C10orf90: variants seen among roughly 807,000 people sequenced by gnomAD.
C10orf90 encodes chromosome 10 open reading frame 90.
Under a neutral mutation model 62.5 loss-of-function variants are expected in C10orf90, and 56 were observed. That is an observed-to-expected ratio of 0.90 (90% confidence interval 0.72 to 1.12). The LOEUF (loss-of-function observed/expected upper bound fraction) is 1.12, where lower values mean the gene tolerates loss of function less well. Ranked by LOEUF, C10orf90 falls within the 50% of genes most tolerant of loss-of-function variation. The pLI, the probability that C10orf90 is intolerant of heterozygous loss-of-function variation, is 0.00. For missense variants in C10orf90, 970 were observed against 880.4 expected (o/e 1.10, Z -1.29); for synonymous variants, 386 against 340.4 (o/e 1.13, Z -1.47).
intron 7 of C10orf90, among the ~76,000 whole-genome samples, chr10:126,455,008 C>T (rs1027537446): frequency 6.6e-6 from 1 of 152,044 alleles, no homozygotes; most frequent in African/African-American, 2.4e-5. Context: ...GTCAGCCTCC[C>T]TCTTCCACAT....
intron 8 of C10orf90, 36 bp downstream of exon 8, chr10:126,429,751 A>G: frequency 6.3e-7 from 1 of 1,599,336 alleles, no homozygotes; most frequent in Non-Finnish European, 8.6e-7. Flanking sequence ...TACTCCCCCC[A>G]CCAACTTCTT....
At chr10:126,567,396 G>A (rs972210099) in intron 2 of C10orf90, among the ~76,000 whole-genome samples, 2 of 152,102 alleles carry the variant, frequency 1.3e-5, no homozygotes, top group African/African-American at 4.8e-5. Flanking sequence ...CAGCAAAGGG[G>A]AAATCCACCC....
At chr10:126,622,677 C>G (rs1219704115) in intron 2 of C10orf90, among the ~76,000 whole-genome samples, 1 of 152,196 alleles carries the variant, frequency 6.6e-6, no homozygotes, top group Non-Finnish European at 1.5e-5. Flanking sequence ...CTCACCCACT[C>G]TGCCCACTAC....
chr10:126,483,622 A>G (rs1332801356), intron 4 of C10orf90, among the ~76,000 whole-genome samples: 1 of 152,222 alleles, frequency 6.6e-6, no homozygotes, highest in Non-Finnish European at 1.5e-5. Flanking sequence ...GTATTCTTAT[A>G]AGGTAATCCT....
chr10:126,476,387 A>G (rs1368610030), intron 4 of C10orf90, among the ~76,000 whole-genome samples: 1 of 152,170 alleles, frequency 6.6e-6, no homozygotes, highest in Non-Finnish European at 1.5e-5. Context: ...TCAGAATTGG[A>G]GACAGTCCCT....
At chr10:126,514,953 G>A (rs4962565) in intron 2 of C10orf90, among the ~76,000 whole-genome samples, 121,584 of 152,206 alleles carry the variant, frequency 0.8, 49,207 homozygotes, top group Middle Eastern at 0.92. Context: ...ATACTCTAGG[G>A]AAGGTGATTT....
chr10:126,496,967 A>C (rs1030113912), intron 4 of C10orf90, among the ~76,000 whole-genome samples: 2 of 152,250 alleles, frequency 1.3e-5, no homozygotes, highest in African/African-American at 4.8e-5. Flanking sequence ...ACCTCTACAA[A>C]ATAGCAAATG....
intron 2 of C10orf90, among the ~76,000 whole-genome samples, chr10:126,591,528 G>T (rs1844979112): frequency 6.6e-6 from 1 of 152,070 alleles, no homozygotes; most frequent in Admixed American, 6.6e-5. Flanking sequence ...AGCAGACTAG[G>T]TATTGAAGGA....
intron 4 of C10orf90, among the ~76,000 whole-genome samples, chr10:126,486,447 T>G (rs551497737): frequency 6.6e-6 from 1 of 152,006 alleles, no homozygotes; most frequent in Non-Finnish European, 1.5e-5. Flanking sequence ...AAGAAACAAC[T>G]TAAGCAAAAG....
intron 2 of C10orf90, among the ~76,000 whole-genome samples, chr10:126,580,387 G>A (rs1158226791): frequency 6.6e-6 from 1 of 152,170 alleles, no homozygotes; most frequent in Non-Finnish European, 1.5e-5. Context: ...CAGGCGTGGT[G>A]GCTCATTCCT....
At chr10:126,602,520 T>TGGTG (rs1845217551) in intron 2 of C10orf90, among the ~76,000 whole-genome samples, 1 of 152,134 alleles carries the variant, frequency 6.6e-6, no homozygotes, top group African/African-American at 2.4e-5. Flanking sequence ...GAATATTCCC[T>TGGTG]GGTGGGCACA....
At chr10:126,585,744 G>C (rs2134021905) in intron 2 of C10orf90, among the ~76,000 whole-genome samples, 1 of 152,160 alleles carries the variant, frequency 6.6e-6, no homozygotes, top group East Asian at 1.9e-4. Context: ...GGCTAATTAG[G>C]GCCAGATAAC....
chr10:126,463,766 C>A (rs1341792652), intron 5 of C10orf90, among the ~76,000 whole-genome samples: 1 of 152,230 alleles, frequency 6.6e-6, no homozygotes, highest in Non-Finnish European at 1.5e-5. Context: ...CAGGGGCCGT[C>A]CTCGGCTTCC....
chr10:126,455,503 G>A (rs1859491348), intron 7 of C10orf90, among the ~76,000 whole-genome samples: 2 of 152,220 alleles, frequency 1.3e-5, no homozygotes, highest in Admixed American at 1.3e-4. Flanking sequence ...GCAGACTAGG[G>A]ACTGTGCCTA....
At chr10:126,553,258 G>A (rs966088984) in intron 2 of C10orf90, among the ~76,000 whole-genome samples, 1 of 152,202 alleles carries the variant, frequency 6.6e-6, no homozygotes, top group South Asian at 2.1e-4. Flanking sequence ...TTTACAATAC[G>A]TATATCTTAT....
intron 1 of C10orf90, among the ~76,000 whole-genome samples, chr10:126,657,926 T>G (rs1397604382): frequency 1.3e-5 from 2 of 152,148 alleles, no homozygotes; most frequent in Admixed American, 6.5e-5. Context: ...ACCAATACTT[T>G]GTCTTTGAAC....
chr10:126,535,570 C>A (rs182246832), intron 2 of C10orf90, among the ~76,000 whole-genome samples: 48 of 151,924 alleles, frequency 3.2e-4, no homozygotes, highest in Middle Eastern at 6.8e-3. Context: ...GTGCAGCACA[C>A]CAACATGGCA....
At chr10:126,624,536 C>T (rs890625026) in intron 2 of C10orf90, among the ~76,000 whole-genome samples, 3 of 152,164 alleles carry the variant, frequency 2.0e-5, no homozygotes, top group Non-Finnish European at 2.9e-5. Flanking sequence ...GGCTAAGAAC[C>T]AGACTTGGAA....
intron 1 of C10orf90, among the ~76,000 whole-genome samples, chr10:126,658,179 C>T (rs1198752353): frequency 6.6e-6 from 1 of 152,220 alleles, no homozygotes; most frequent in African/African-American, 2.4e-5. Context: ...TGGAACCAGA[C>T]TGACTTCAAA....
Sources: gnomAD v4.1 joint callset for allele counts (sites outside exome capture counted in the v4.1 genomes callset) on GRCh38, gnomAD v4.1.1 for gene constraint, MANE v1.5 for transcripts, NCBI Gene and HGNC (gene_info 2026-07-23, HGNC 2026-07-21) for gene names.